The following RYR3 variants were observed in gnomAD, a reference collection of about 807,000 sequenced individuals.
RYR3 encodes the protein brain ryanodine receptor-calcium release channel.
In RYR3, 207 loss-of-function variants were observed where a neutral mutation model predicts 584.3. The ratio of observed to expected loss-of-function variants is 0.35; its 90% CI spans 0.32 to 0.40. The LOEUF is 0.40. Ranked by LOEUF, RYR3 falls within the 10% of genes least tolerant of loss-of-function variation. The pLI is 1.00. For synonymous variants in RYR3, 2,416 were observed against 2,248.5 expected, an observed-to-expected ratio of 1.07 and a Z score of -2.11; for missense variants, 5,616 against 6,089.2, an observed-to-expected ratio of 0.92 and a Z score of 2.59.
rs759883701 is a variant in RYR3 at position 33,646,532 on chromosome 15, G to A, written c.3941+6G>A. 1.2e-6 allele frequency: 2 copies of A among 1,604,126 alleles called. No individual in the cohort carries two copies. The highest frequency in any genetic ancestry group is 1.7e-6 in the Non-Finnish European group (2 of 1,173,310). On this transcript the variant is annotated splice_donor_region_variant and intron_variant, in intron 29 of 103. Transcript: ENST00000634891. ...AGTGAAGCTTTCCAGAAAAGGTGAGGGTGAGGCCTCCAGTTCTCAGAGGCA... is the reference window on the plus strand; with the variant it reads ...AGTGAAGCTTTCCAGAAAAGGTGAGAGTGAGGCCTCCAGTTCTCAGAGGCA...
intron 1 of RYR3, among the ~76,000 whole-genome samples, chr15:33,353,016 T>C (rs1973484195): frequency 1.3e-5 from 1 of 78,474 alleles, no homozygotes; most frequent in Non-Finnish European, 2.5e-5. Flanking sequence ...GAGCACCTAC[T>C]CTATGAAACC....
intron 3 of RYR3, among the ~76,000 whole-genome samples, chr15:33,512,014 A>G (rs774986469): frequency 1.6e-4 from 24 of 152,142 alleles, no homozygotes; most frequent in South Asian, 4.1e-4. Context: ...TCCTGACCTC[A>G]TGATCCGCCC....
At chr15:33,722,444 C>G (rs1395216901) in intron 43 of RYR3, 4 of 468,364 alleles carry the variant, frequency 8.5e-6, no homozygotes, top group Non-Finnish European at 1.5e-5. Context: ...TTTATCAAAG[C>G]CACCTTTTTC....
In RYR3 at chr15:33,728,971, A is replaced by G; in HGVS notation, c.7148A>G (p.His2383Arg). The G allele has an allele frequency of 1.2e-6, 2 of 1,614,014 alleles. No homozygotes were observed. Among genetic ancestry groups the G allele is most frequent in the Admixed American group, 3.3e-5 (2 of 60,022 alleles). ...YGIKDQTFLLHLLEVGFLPDL... is the reference protein window; with the variant it reads ...YGIKDQTFLLRLLEVGFLPDL... The stretch of plus-strand genomic sequence containing the variant: ...ATTAAGGATCAAACTTTTCTGCTCC[A>G]CTTGCTGGAGGTTGGATTTTTACCT... Residue 2383 changes from histidine to arginine, a missense_variant, in exon 47 of 104, where the codon CAC becomes CGC. Transcript: ENST00000634891.
chr15:33,710,706 C>T (rs1235397070), intron 43 of RYR3, among the ~76,000 whole-genome samples: 1 of 152,238 alleles, frequency 6.6e-6, no homozygotes, highest in African/African-American at 2.4e-5. Context: ...TGGAAGCTGA[C>T]AAGTGTTCTC....
intron 53 of RYR3, among the ~76,000 whole-genome samples, chr15:33,746,376 G>C (rs1042540791): frequency 1.6e-4 from 24 of 152,338 alleles, no homozygotes; most frequent in South Asian, 2.1e-4. Context: ...AGAGGCCATT[G>C]GTGAAAGAAG....
At chr15:33,753,943 A>C (rs5007829) in intron 57 of RYR3, among the ~76,000 whole-genome samples, 70,362 of 152,066 alleles carry the variant, frequency 0.46, 18,721 homozygotes, top group Admixed American at 0.61. Flanking sequence ...ACAGGAGTTC[A>C]AGACCAGCCT....
intron 1 of RYR3, among the ~76,000 whole-genome samples, chr15:33,441,817 A>G (rs1356523442): frequency 1.3e-5 from 2 of 152,166 alleles, no homozygotes; most frequent in African/African-American, 4.8e-5. Context: ...AGATCCTTAC[A>G]TGGTTGCTGT....
chr15:33,646,260 C>A, intron 28 of RYR3, 91 bp from the exon 29 acceptor site: 1 of 1,112,750 alleles, frequency 9.0e-7, no homozygotes, highest in Non-Finnish European at 1.3e-6. Context: ...TCACAGAATG[C>A]CTTGCCATGT....
At chr15:33,806,010 A>G (rs1239117810) in intron 69 of RYR3, among the ~76,000 whole-genome samples, 1 of 140,518 alleles carries the variant, frequency 7.1e-6, no homozygotes, top group Non-Finnish European at 1.5e-5. Flanking sequence ...TCCTTCTCTC[A>G]CTCTATCTCT....
At chr15:33,712,903 G>T (rs2067225920) in intron 43 of RYR3, among the ~76,000 whole-genome samples, 1 of 152,136 alleles carries the variant, frequency 6.6e-6, no homozygotes. Context: ...GAGTTGTGAG[G>T]CTTAAATGAA....
At chr15:33,379,687 C>CTCTCTCTCTCTATATATATA in intron 1 of RYR3, among the ~76,000 whole-genome samples, 47 of 125,500 alleles carry the variant, frequency 3.7e-4, no homozygotes, top group African/African-American at 1.5e-3. Context: ...CTCTCTCTCT[C>CTCTCTCTCTCTATATATATA]TATATATATA....
intron 1 of RYR3, among the ~76,000 whole-genome samples, chr15:33,453,626 G>T (rs1017842088): frequency 2.0e-5 from 3 of 152,176 alleles, no homozygotes; most frequent in South Asian, 4.1e-4. Context: ...ACTGTCCATT[G>T]TACCACAAAT....
chr15:33,393,130 T>C (rs1172828418), intron 1 of RYR3, among the ~76,000 whole-genome samples: 9 of 152,216 alleles, frequency 5.9e-5, no homozygotes, highest in Admixed American at 5.9e-4. Flanking sequence ...GCATTTGTCT[T>C]TGACTCGGTT....
chr15:33,603,284 G>A lies in RYR3; in HGVS notation c.2084G>A (p.Gly695Glu). The A allele has an allele frequency of 1.9e-6, 3 of 1,613,852 alleles. No homozygotes were observed. Among genetic ancestry groups the A allele is most frequent in the East Asian group, 2.2e-5 (1 of 44,860 alleles). ...TCTTCAGGCTATGCCCCATACCCAGGAGGTGGAGAAGGATGGGGAGGCAAT... is the reference window on the plus strand; with the variant it reads ...TCTTCAGGCTATGCCCCATACCCAGAAGGTGGAGAAGGATGGGGAGGCAAT... ...ASSSGYAPYPGGGEGWGGNGV... is the reference protein window; with the variant it reads ...ASSSGYAPYPEGGEGWGGNGV... The change falls in exon 18 of 104, where the codon GGA (glycine) becomes GAA (glutamate). Residue 695 changes from glycine to glutamate, a missense_variant. Physicochemically the swap from Gly to Glu is moderately conservative, Grantham distance 98 (BLOSUM62 -2). Coordinates refer to ENST00000634891, the MANE Select transcript of RYR3 (RefSeq NM_001036.6).
intron 93 of RYR3, among the ~76,000 whole-genome samples, chr15:33,845,479 C>T (rs1381429314): frequency 1.3e-5 from 2 of 152,178 alleles, no homozygotes; most frequent in South Asian, 4.1e-4. Flanking sequence ...GTCCTGAACT[C>T]CTGACCTCAG....
chr15:33,379,665 C>CT (rs765512901), intron 1 of RYR3, among the ~76,000 whole-genome samples: 14 of 103,420 alleles, frequency 1.4e-4, no homozygotes, highest in African/African-American at 6.4e-4. Flanking sequence ...GTGTGTGTGT[C>CT]CCTCTCTCTC....
At chr15:33,563,495 A>G (rs963319210) in intron 11 of RYR3, among the ~76,000 whole-genome samples, 2 of 152,174 alleles carry the variant, frequency 1.3e-5, no homozygotes, top group Admixed American at 6.5e-5. Flanking sequence ...TCTTGATTTG[A>G]GTGGTGCATC....
At chr15:33,512,756 A>G (rs540691576) in intron 3 of RYR3, among the ~76,000 whole-genome samples, 1 of 152,308 alleles carries the variant, frequency 6.6e-6, no homozygotes, top group South Asian at 2.1e-4. Context: ...TGGCTGGACT[A>G]AATATATTTG....
Sources: gnomAD v4.1 joint callset for allele counts (sites outside exome capture counted in the v4.1 genomes callset) on GRCh38, gnomAD v4.1.1 for gene constraint, MANE v1.5 for transcripts, NCBI Gene and HGNC (gene_info 2026-07-23, HGNC 2026-07-21) for gene names.